PPFIA2: variants seen among roughly 807,000 people sequenced by gnomAD.
PPFIA2 encodes PPFI scaffold protein A2, also known as liprin-alpha-2.
PPFIA2 carries 46 observed loss-of-function variants against 175.5 expected under a neutral mutation model. The observed-to-expected ratio is 0.26, with a 90% CI of 0.21 to 0.34. The LOEUF (loss-of-function observed/expected upper bound fraction) is 0.34, where lower values mean the gene tolerates loss of function less well. PPFIA2 is among the 10% of genes least tolerant of loss of function. The pLI, the probability that PPFIA2 is intolerant of heterozygous loss-of-function variation, is 1.00. For synonymous variants in PPFIA2, 568 were observed against 511.4 expected (o/e 1.11, Z -1.49); for missense variants, 1,179 against 1,506.1 (o/e 0.78, Z 3.60).
At chr12:81,697,325 T>C (rs753038040) in intron 3 of PPFIA2, among the ~76,000 whole-genome samples, 4 of 152,080 alleles carry the variant, frequency 2.6e-5, no homozygotes, top group Non-Finnish European at 4.4e-5. Context: ...TAAATTATGA[T>C]ACATTATTTA....
At chr12:81,607,687 A>T (rs1416519545) in intron 4 of PPFIA2, among the ~76,000 whole-genome samples, 1 of 152,160 alleles carries the variant, frequency 6.6e-6, no homozygotes, top group Non-Finnish European at 1.5e-5. Context: ...CATTTCTAGT[A>T]GCCTTTTGGC....
chr12:81,269,519 T>C (rs986550743), intron 28 of PPFIA2, among the ~76,000 whole-genome samples: 2 of 152,224 alleles, frequency 1.3e-5, no homozygotes, highest in African/African-American at 4.8e-5. Flanking sequence ...TCCTTATTTA[T>C]CTTATTTTAT....
intron 4 of PPFIA2, among the ~76,000 whole-genome samples, chr12:81,504,752 C>T (rs1594141098): frequency 6.6e-6 from 1 of 152,128 alleles, no homozygotes; most frequent in Admixed American, 6.5e-5. Flanking sequence ...CCCAAATGCC[C>T]ATCAGTGATA....
chr12:81,614,763 T>C (rs973081837), intron 4 of PPFIA2, among the ~76,000 whole-genome samples: 1 of 152,192 alleles, frequency 6.6e-6, no homozygotes, highest in Non-Finnish European at 1.5e-5. Flanking sequence ...TTGAATACTG[T>C]ATGCCAAATA....
chr12:81,285,804 A>C (rs2043188620), intron 24 of PPFIA2, among the ~76,000 whole-genome samples: 1 of 152,134 alleles, frequency 6.6e-6, no homozygotes, highest in Non-Finnish European at 1.5e-5. Flanking sequence ...TGTATTTACC[A>C]CACCATGATT....
At chr12:81,482,750 AG>A (rs896432411) in intron 4 of PPFIA2, among the ~76,000 whole-genome samples, 2 of 152,116 alleles carry the variant, frequency 1.3e-5, no homozygotes, top group African/African-American at 4.8e-5. Flanking sequence ...AGTGGGGGAT[AG>A]GGGAGGGATA....
chr12:81,393,164 A>C (rs2040465176), intron 8 of PPFIA2, among the ~76,000 whole-genome samples: 1 of 152,092 alleles, frequency 6.6e-6, no homozygotes, highest in Non-Finnish European at 1.5e-5. Flanking sequence ...GAAATATAAA[A>C]AATAGCTAGG....
chr12:81,285,748 C>T (rs2043175732), intron 24 of PPFIA2, among the ~76,000 whole-genome samples: 1 of 152,092 alleles, frequency 6.6e-6, no homozygotes, highest in South Asian at 2.1e-4. Context: ...CTATGTGCAG[C>T]CCATAACCCT....
At chr12:81,755,361 T>C (rs893432638) in intron 2 of PPFIA2, among the ~76,000 whole-genome samples, 1 of 152,108 alleles carries the variant, frequency 6.6e-6, no homozygotes, top group Non-Finnish European at 1.5e-5. Flanking sequence ...AGCTATTAAT[T>C]AGATGGCTTG....
intron 24 of PPFIA2, among the ~76,000 whole-genome samples, chr12:81,290,570 A>G (rs886726050): frequency 1.4e-4 from 22 of 151,828 alleles, no homozygotes; most frequent in African/African-American, 5.3e-4. Context: ...TAGTAAAAAG[A>G]TATATATTCC....
intron 3 of PPFIA2, among the ~76,000 whole-genome samples, chr12:81,737,191 C>T (rs2081700503): frequency 6.6e-6 from 1 of 151,894 alleles, no homozygotes; most frequent in South Asian, 2.1e-4. Flanking sequence ...TTTCGACCTG[C>T]TTTTTCCCTA....
At chr12:81,646,193 A>G (rs936958051) in intron 4 of PPFIA2, among the ~76,000 whole-genome samples, 2 of 152,210 alleles carry the variant, frequency 1.3e-5, no homozygotes, top group Non-Finnish European at 2.9e-5. Context: ...TAAGACACCA[A>G]CTTAATTCCA....
chr12:81,593,550 A>G (rs975939740), intron 4 of PPFIA2, among the ~76,000 whole-genome samples: 14 of 152,208 alleles, frequency 9.2e-5, no homozygotes, highest in African/African-American at 3.4e-4. Context: ...TGTATGAGGA[A>G]CACAGCTTAA....
chr12:81,284,281 G>A lies in PPFIA2; in HGVS notation c.2948C>T (p.Thr983Ile). 6.3e-7 allele frequency: 1 copy of A among 1,598,034 alleles called. No homozygotes were observed. The highest frequency in any genetic ancestry group is 8.6e-7 in the Non-Finnish European group (1 of 1,168,316). Residue 983 changes from threonine to isoleucine, a missense_variant, in exon 25 of 33, where the codon ACT becomes ATT. Physicochemically the swap from Thr to Ile is moderately conservative, Grantham distance 89. Transcript: ENST00000549396. The stretch of plus-strand genomic sequence containing the variant: ...TGCAAGATTTTCCATTTCTTCATGA[G>A]TCACCCAAACGTTGCCTGAAGGCTA... The part of the protein sequence containing the change: ...SRTPSGNVWV[T>I]HEEMENLAAP...
intron 4 of PPFIA2, chr12:81,598,205 A>T: frequency 7.4e-7 from 1 of 1,359,200 alleles, no homozygotes; most frequent in Non-Finnish European, 9.5e-7. Context: ...CTACATTTGA[A>T]ATCTTAGCTG....
At chr12:81,407,551 C>A (rs913228304) in intron 7 of PPFIA2, among the ~76,000 whole-genome samples, 1 of 149,650 alleles carries the variant, frequency 6.7e-6, no homozygotes, top group African/African-American at 2.5e-5. Context: ...GTTAAAAAAA[C>A]CTAAAGTTTT....
intron 4 of PPFIA2, among the ~76,000 whole-genome samples, chr12:81,574,665 C>T (rs2073184872): frequency 6.6e-6 from 1 of 151,240 alleles, no homozygotes. Flanking sequence ...TAAAATTTTG[C>T]CTGTAGTTAC....
intron 4 of PPFIA2, among the ~76,000 whole-genome samples, chr12:81,591,412 G>C (rs541543661): frequency 4.6e-5 from 7 of 152,332 alleles, no homozygotes; most frequent in African/African-American, 1.7e-4. Flanking sequence ...GCCGGCTGCA[G>C]GAATTTGCAT....
intron 4 of PPFIA2, among the ~76,000 whole-genome samples, chr12:81,624,888 G>A (rs561439063): frequency 2.6e-5 from 4 of 151,104 alleles, no homozygotes; most frequent in East Asian, 1.9e-4. Context: ...TACACTACTC[G>A]GGGAACAGGC....
Sources: allele counts gnomAD v4.1 joint callset (sites outside exome capture counted in the v4.1 genomes callset), GRCh38; gene constraint gnomAD v4.1.1; transcripts MANE v1.5; gene names NCBI Gene and HGNC (gene_info 2026-07-23, HGNC 2026-07-21).